The following C3orf18 variants were observed in gnomAD, a reference collection of about 807,000 sequenced individuals.
The protein encoded by C3orf18 is uncharacterized protein C3orf18.
In C3orf18, 12 loss-of-function variants were observed where a neutral mutation model predicts 14.1. The observed-to-expected ratio is 0.85, with a 90% CI of 0.55 to 1.38. The LOEUF (loss-of-function observed/expected upper bound fraction) is 1.38, where lower values mean the gene tolerates loss of function less well. Among genes scored for constraint, C3orf18 ranks in the 40% most tolerant of loss-of-function variants. The probability of loss-of-function intolerance (pLI) is 0.00; values close to 1 mark genes in which losing one functional copy is unlikely to be tolerated. For synonymous variants in C3orf18, 82 were observed against 87.9 expected (o/e 0.93, Z 0.38); for missense variants, 196 against 213.9 (o/e 0.92, Z 0.52).
At chr3:50,566,777 C>A (rs1256607120) in intron 1 of C3orf18, among the ~76,000 whole-genome samples, 1 of 152,178 alleles carries the variant, frequency 6.6e-6, no homozygotes, top group Non-Finnish European at 1.5e-5. Flanking sequence ...AGGAATGGAG[C>A]TCCCAGTGTG....
rs1699791699 is a variant in C3orf18, at chr3:50,558,703, A to G, written c.*954T>C. 2 of 1,288,588 alleles carry G rather than the reference A, an allele frequency of 1.6e-6. No individual in the cohort carries two copies. Among genetic ancestry groups the G allele is most frequent in the African/African-American group, 3.0e-5 (2 of 65,834 alleles). The allele number at this position is 1,288,588 out of a possible 1,614,324, so 79.8% of individuals were successfully genotyped here. A position where few individuals can be genotyped will look rare whatever the true frequency, so the allele number is the denominator to read the frequency against. On this transcript the variant is annotated 3_prime_UTR_variant, in exon 6 of 6. Coordinates refer to ENST00000357203, the MANE Select transcript of C3orf18 (RefSeq NM_016210.5). ...AGGGAGCCGTTTTCAGAAGCAGGTG[A>G]GCCCAGTGAAACAATGCAGTGGAGA...
intron 5 of C3orf18, 40 bp downstream of exon 5, chr3:50,560,877 G>C (rs761655435): frequency 1.9e-6 from 3 of 1,575,382 alleles, no homozygotes; most frequent in Middle Eastern, 2.1e-4. Context: ...GGAGGACAGA[G>C]GATGCTGCAG....
chr3:50,571,553 C>A, upstream of C3orf18: 2 of 756,674 alleles, frequency 2.6e-6, no homozygotes, highest in East Asian at 4.9e-5. Flanking sequence ...CTGGTGTTAG[C>A]TGTGTAACCT....
chr3:50,566,832 G>A (rs1700333690), intron 1 of C3orf18, among the ~76,000 whole-genome samples: 1 of 152,242 alleles, frequency 6.6e-6, no homozygotes, highest in Non-Finnish European at 1.5e-5. Flanking sequence ...AGCAGAGGGT[G>A]AGAGATTTGC....
chr3:50,567,304 A>G (rs891866757), intron 1 of C3orf18, among the ~76,000 whole-genome samples, 159 bp downstream of exon 1: 2 of 152,152 alleles, frequency 1.3e-5, no homozygotes, highest in African/African-American at 4.8e-5. Context: ...GGGGAAGGGA[A>G]GGAAACCGGG....
upstream of C3orf18, among the ~76,000 whole-genome samples, chr3:50,573,864 TGGCAGTGAATACAGTA>T (rs1701283248): frequency 6.6e-6 from 1 of 152,222 alleles, no homozygotes; most frequent in South Asian, 2.1e-4. Flanking sequence ...GCCCCTGGCC[TGGCAGTGAATACAGTA>T]GGAAACTCAG....
upstream of C3orf18, chr3:50,569,732 T>C (rs1700688770): frequency 6.6e-6 from 1 of 152,206 alleles, no homozygotes; most frequent in African/African-American, 2.4e-5. Context: ...TGTGAGGGAG[T>C]TTACACTTCT....
In C3orf18 at chr3:50,558,954, G is replaced by A. The variant is rs1277113938; in HGVS notation, c.*703C>T. 7.8e-7 allele frequency: 1 copy of A among 1,287,466 alleles called. No homozygotes were observed. Among genetic ancestry groups the A allele is most frequent in the African/African-American group, 1.5e-5 (1 of 65,930 alleles). 79.8% of individuals were successfully genotyped at this position (1,287,466 alleles called of 1,614,324 possible). A position where few individuals can be genotyped will look rare whatever the true frequency, so the allele number is the denominator to read the frequency against. ...ATGAGGCCTCTCGGCAGGTCTGGGG[G>A]GGCTGCATCCTTCCACTTCCATTCC... On this transcript the variant is annotated 3_prime_UTR_variant, in exon 6 of 6. Coordinates refer to ENST00000357203, the MANE Select transcript of C3orf18 (RefSeq NM_016210.5).
upstream of C3orf18, chr3:50,571,131 G>T (rs1700901418): frequency 1.2e-6 from 2 of 1,607,172 alleles, no homozygotes; most frequent in African/African-American, 2.7e-5. Flanking sequence ...GAATGCTGTG[G>T]GCCCTCCTGT....
At chr3:50,571,266 G>A (rs757560566), upstream of C3orf18, 1 of 1,613,362 alleles carries the variant, frequency 6.2e-7, no homozygotes, top group South Asian at 1.1e-5. Flanking sequence ...TCTTTGAGAA[G>A]AGGGGTATCC....
rs1181440098 is a variant in C3orf18 at position 50,558,827 on chromosome 3, G to GT, written c.*829dup. The GT allele has an allele frequency of 4.7e-6, 6 of 1,289,748 alleles. No homozygotes were observed. Among genetic ancestry groups the GT allele is most frequent in the Non-Finnish European group, 6.1e-6 (6 of 988,890 alleles). 79.9% of individuals were successfully genotyped at this position (1,289,748 alleles called of 1,614,324 possible). ...CTGATGCTCCACTACATACCATGGG[G>GT]TAGAGGTCGACTTGGAGGGTGGGGC... On this transcript the variant is annotated 3_prime_UTR_variant, in exon 6 of 6. Transcript: ENST00000357203.
At chr3:50,571,000 C>T (rs1164629805), upstream of C3orf18, 6 of 819,262 alleles carry the variant, frequency 7.3e-6, no homozygotes, top group East Asian at 2.8e-5. Context: ...TCTCCATCTC[C>T]ACCCAGCTGG....
At chr3:50,561,355 G>A (rs1699956011) in intron 4 of C3orf18, among the ~76,000 whole-genome samples, 1 of 152,210 alleles carries the variant, frequency 6.6e-6, no homozygotes, top group Non-Finnish European at 1.5e-5. Flanking sequence ...GGGCCTTGCT[G>A]TAATCCACAG....
At chr3:50,572,122 G>A, upstream of C3orf18, 3 of 1,613,940 alleles carry the variant, frequency 1.9e-6, no homozygotes, top group Middle Eastern at 1.6e-4. Context: ...CAGGATGCCG[G>A]TGCAGTACAT....
chr3:50,563,243 T>C (rs1426107057), intron 3 of C3orf18, among the ~76,000 whole-genome samples: 2 of 152,114 alleles, frequency 1.3e-5, no homozygotes, highest in Non-Finnish European at 2.9e-5. Flanking sequence ...CTTGCTCTCC[T>C]GTGGGTAGGC....
upstream of C3orf18, chr3:50,572,320 G>C: frequency 9.1e-7 from 1 of 1,099,846 alleles, no homozygotes; most frequent in Non-Finnish European, 1.3e-6. Context: ...TTCAGGGACA[G>C]TGCCTTTCTA....
intron 1 of C3orf18, among the ~76,000 whole-genome samples, chr3:50,566,946 A>ACATC (rs1405369963): frequency 6.6e-6 from 1 of 152,158 alleles, no homozygotes; most frequent in Non-Finnish European, 1.5e-5. Flanking sequence ...GTGGGTGCAT[A>ACATC]CATCCCCCTG....
chr3:50,574,157 C>T (rs1020022362), upstream of C3orf18, among the ~76,000 whole-genome samples: 4 of 152,232 alleles, frequency 2.6e-5, no homozygotes, highest in Admixed American at 6.5e-5. Context: ...ACCTCTTTCC[C>T]GCATGCGTCT....
In C3orf18 at chr3:50,565,801, T is replaced by A; in HGVS notation, c.-102A>T. 1.2e-6 allele frequency: 1 copy of A among 829,900 alleles called. No homozygotes were observed. The highest frequency in any genetic ancestry group is 1.9e-6 in the Non-Finnish European group (1 of 533,202). 51.4% of individuals were successfully genotyped at this position (829,900 alleles called of 1,614,324 possible). ...GCCCCAGCCTGTGGTTCCTGCCACCTGTGGTGGCCACCTGCACAGCCACCT... is the reference window on the plus strand; with the variant it reads ...GCCCCAGCCTGTGGTTCCTGCCACCAGTGGTGGCCACCTGCACAGCCACCT... On this transcript the variant is annotated 5_prime_UTR_variant, in exon 3 of 6. Coordinates refer to ENST00000357203, the MANE Select transcript of C3orf18 (RefSeq NM_016210.5). This position sits in a 1 kb window ranked among gnomAD's most constrained non-coding sequence, Gnocchi z 4.4.
Sources: gnomAD v4.1 joint callset for allele counts (sites outside exome capture counted in the v4.1 genomes callset) on GRCh38, gnomAD v4.1.1 for gene constraint, Gnocchi (gnomAD v3.1) non-coding constraint, MANE v1.5 for transcripts, NCBI Gene and HGNC (gene_info 2026-07-23, HGNC 2026-07-21) for gene names.